DYM: variants seen among roughly 807,000 people sequenced by gnomAD.
DYM encodes the protein dymeclin.
In DYM, 78 loss-of-function variants were observed where a neutral mutation model predicts 93.1. That is an observed-to-expected ratio of 0.84 (90% CI 0.70 to 1.01). DYM has a LOEUF of 1.01. Ranked by LOEUF, DYM falls within the 50% of genes least tolerant of loss-of-function variation. DYM has a pLI of 0.00. For synonymous variants in DYM, 321 were observed against 319.7 expected, an observed-to-expected ratio of 1.00 and a Z score of -0.04; for missense variants, 789 against 845.0, an observed-to-expected ratio of 0.93 and a Z score of 0.82.
chr18:49,381,358 C>T (rs2068029628), intron 3 of DYM, among the ~76,000 whole-genome samples: 1 of 152,148 alleles, frequency 6.6e-6, no homozygotes, highest in Non-Finnish European at 1.5e-5. Context: ...ATTGTGCTTA[C>T]TAACTGCCAA....
At chr18:49,356,173 T>C (rs1454310180) in intron 6 of DYM, among the ~76,000 whole-genome samples, 1 of 152,204 alleles carries the variant, frequency 6.6e-6, no homozygotes. Flanking sequence ...CAATTGTTTG[T>C]TGGGAGAATT....
intron 17 of DYM, among the ~76,000 whole-genome samples, chr18:49,093,047 G>A (rs80054211): frequency 0.025 from 3,743 of 152,280 alleles, 151 homozygotes; most frequent in African/African-American, 0.084. Context: ...GAGGCAGGGT[G>A]AAGTTAATTT....
chr18:49,102,229 C>T (rs1348646501), intron 16 of DYM, among the ~76,000 whole-genome samples: 2 of 152,196 alleles, frequency 1.3e-5, no homozygotes, highest in African/African-American at 4.8e-5. Flanking sequence ...GCACTTTGCG[C>T]TGTGCAGACA....
chr18:49,218,016 C>T (rs1034191738), intron 13 of DYM, among the ~76,000 whole-genome samples: 16 of 152,062 alleles, frequency 1.1e-4, no homozygotes, highest in East Asian at 7.7e-4. Context: ...ACCCATCTCA[C>T]GTGCAGAGAC....
chr18:49,316,990 G>A (rs1324470521), intron 8 of DYM, among the ~76,000 whole-genome samples: 2 of 152,154 alleles, frequency 1.3e-5, no homozygotes, highest in African/African-American at 2.4e-5. Context: ...CCAATTTGGG[G>A]AAATTATGCA....
At chr18:49,275,990 A>G (rs1462016410) in intron 10 of DYM, among the ~76,000 whole-genome samples, 2 of 152,170 alleles carry the variant, frequency 1.3e-5, no homozygotes, top group East Asian at 3.8e-4. Context: ...AGGATTATCT[A>G]TATATAAGAT....
At chr18:49,397,965 T>C (rs1283926415) in intron 2 of DYM, among the ~76,000 whole-genome samples, 1 of 152,218 alleles carries the variant, frequency 6.6e-6, no homozygotes, top group Non-Finnish European at 1.5e-5. Flanking sequence ...GTATTTCTGC[T>C]GGACAGAGCT....
intron 15 of DYM, among the ~76,000 whole-genome samples, chr18:49,146,596 T>C (rs1021041249): frequency 1.6e-4 from 24 of 152,162 alleles, no homozygotes; most frequent in African/African-American, 5.3e-4. Context: ...CCATTCACAA[T>C]TGCTTCAAAG....
intron 13 of DYM, among the ~76,000 whole-genome samples, chr18:49,243,785 G>C (rs1328113220): frequency 6.6e-6 from 1 of 151,924 alleles, no homozygotes; most frequent in Non-Finnish European, 1.5e-5. Context: ...ATCCTAAATT[G>C]GAAGTTCATA....
intron 16 of DYM, among the ~76,000 whole-genome samples, chr18:49,097,963 T>C (rs767109810): frequency 2.0e-4 from 30 of 151,826 alleles, no homozygotes; most frequent in Non-Finnish European, 4.0e-4. Flanking sequence ...AAATGATGTT[T>C]TGGGGATTAT....
At chr18:49,153,706 G>A (rs143825718) in intron 15 of DYM, among the ~76,000 whole-genome samples, 160 of 152,248 alleles carry the variant, frequency 1.1e-3, no homozygotes, top group Admixed American at 2.4e-3. Flanking sequence ...GTAAATACAC[G>A]AGGGAGAAGT....
intron 14 of DYM, among the ~76,000 whole-genome samples, chr18:49,205,372 TTCTATA>T (rs1434243485): frequency 2.0e-5 from 3 of 152,184 alleles, no homozygotes; most frequent in Non-Finnish European, 4.4e-5. Context: ...GATCTGGTAA[TTCTATA>T]TGAGTCAAGG....
chr18:49,292,351 GACAGACACACACACACACACACAC>G (rs1718498648), intron 8 of DYM, among the ~76,000 whole-genome samples: 5 of 106,718 alleles, frequency 4.7e-5, no homozygotes, highest in South Asian at 7.1e-4. Context: ...CAGACAGACA[GACAGACACACACACACACACACAC>G]ACACACACAC....
At chr18:49,368,708 G>A (rs923165180) in intron 5 of DYM, 1 of 152,120 alleles carries the variant, frequency 6.6e-6, no homozygotes, top group Non-Finnish European at 1.5e-5. Context: ...GAGCCATCTG[G>A]AAAAACAAAG....
intron 6 of DYM, among the ~76,000 whole-genome samples, chr18:49,360,980 C>A (rs1187692632): frequency 6.6e-6 from 1 of 152,206 alleles, no homozygotes; most frequent in African/African-American, 2.4e-5. Flanking sequence ...AGGCAATGAG[C>A]AAAAGGCTAG....
intron 15 of DYM, among the ~76,000 whole-genome samples, chr18:49,159,268 A>G (rs1008039129): frequency 2.0e-5 from 3 of 152,228 alleles, no homozygotes; most frequent in Non-Finnish European, 4.4e-5. Context: ...CAGAATCTTA[A>G]TAATAGAACA....
intron 15 of DYM, among the ~76,000 whole-genome samples, chr18:49,144,732 T>C (rs1013340777): frequency 1.3e-5 from 2 of 152,112 alleles, no homozygotes; most frequent in African/African-American, 2.4e-5. Flanking sequence ...CCTATTCAAA[T>C]TCAAGATCAA....
intron 17 of DYM, among the ~76,000 whole-genome samples, chr18:49,054,009 G>A (rs74778237): frequency 0.014 from 2,126 of 152,302 alleles, 45 homozygotes; most frequent in African/African-American, 0.048. Context: ...CTGGGGCCAG[G>A]AGGTTTTACG....
At chr18:49,261,975 A>G (rs1206425241) in intron 11 of DYM, among the ~76,000 whole-genome samples, 2 of 152,242 alleles carry the variant, frequency 1.3e-5, no homozygotes, top group Non-Finnish European at 2.9e-5. Flanking sequence ...GTACACATAA[A>G]TAGTACCATA....
Sources: allele counts gnomAD v4.1 joint callset (sites outside exome capture counted in the v4.1 genomes callset), GRCh38; gene constraint gnomAD v4.1.1; transcripts MANE v1.5; gene names NCBI Gene and HGNC (gene_info 2026-07-23, HGNC 2026-07-21).